Variants in VPS8 observed in about 807,000 individuals in gnomAD.
VPS8 encodes the protein VPS8 subunit of CORVET complex.
Under a neutral mutation model 216.4 loss-of-function variants are expected in VPS8, and 129 were observed. The observed-to-expected ratio is 0.60, with a 90% CI of 0.52 to 0.69. The LOEUF is 0.69. VPS8 is among the 30% of genes least tolerant of loss of function. The pLI is 0.00. For missense variants in VPS8, 1,531 were observed against 1,683.5 expected (o/e 0.91, Z 1.59); for synonymous variants, 571 against 565.4 (o/e 1.01, Z -0.14).
intron 42 of VPS8, among the ~76,000 whole-genome samples, chr3:184,985,786 C>G (rs1346650833): frequency 1.3e-5 from 2 of 152,170 alleles, no homozygotes; most frequent in African/African-American, 4.8e-5. Flanking sequence ...CAGGAACGGA[C>G]AGTTCCTGTT....
chr3:184,827,302 T>C (rs1482648280), intron 3 of VPS8, among the ~76,000 whole-genome samples: 1 of 152,248 alleles, frequency 6.6e-6, no homozygotes, highest in African/African-American at 2.4e-5. Flanking sequence ...TACATCAGTT[T>C]GATGTTGCTG....
chr3:184,991,763 A>G (rs1352602527), intron 42 of VPS8, among the ~76,000 whole-genome samples: 1 of 152,226 alleles, frequency 6.6e-6, no homozygotes, highest in Non-Finnish European at 1.5e-5. Context: ...ATTTTTATGC[A>G]AAGAAAATAA....
Position 184,999,871 on chromosome 3 carries a change from G to C in VPS8, c.4002+10G>C. Reference sequence around the variant, plus strand: ...GATAACCCCATCACAGGTAAGACTTGTTTTCGTGGCAAAATGGAAATGGTC... The same window carrying C: ...GATAACCCCATCACAGGTAAGACTTCTTTTCGTGGCAAAATGGAAATGGTC... On this transcript the variant is annotated intron_variant, in intron 45 of 47. Coordinates refer to ENST00000625842, the MANE Select transcript of VPS8 (RefSeq NM_001009921.3). The C allele has an allele frequency of 6.3e-7, 1 of 1,595,516 alleles. No individual in the cohort carries two copies. Among genetic ancestry groups the C allele is most frequent in the Non-Finnish European group, 8.5e-7 (1 of 1,172,392 alleles).
chr3:185,015,979 ATCTAT>A (rs1469239855), intron 45 of VPS8, among the ~76,000 whole-genome samples: 2 of 152,158 alleles, frequency 1.3e-5, no homozygotes, highest in Non-Finnish European at 2.9e-5. Context: ...TCTTCTCTGG[ATCTAT>A]TCTATTTATT....
intron 44 of VPS8, among the ~76,000 whole-genome samples, chr3:184,997,014 C>A (rs758339684): frequency 4.6e-5 from 7 of 152,142 alleles, no homozygotes; most frequent in Non-Finnish European, 8.8e-5. Flanking sequence ...TTGTCTTGCA[C>A]GTGTTAGGTT....
chr3:184,901,091 G>A, intron 25 of VPS8, 119 bp downstream of exon 25: 2 of 844,828 alleles, frequency 2.4e-6, no homozygotes, highest in Non-Finnish European at 3.8e-6. Flanking sequence ...GTACAGTCAT[G>A]TAACACCACC....
intron 30 of VPS8, 60 bp from the exon 31 acceptor site, chr3:184,926,534 T>G: frequency 6.7e-7 from 1 of 1,485,696 alleles, no homozygotes. Flanking sequence ...TTATTTTTAT[T>G]ATGAGAGTAT....
intron 34 of VPS8, among the ~76,000 whole-genome samples, chr3:184,932,730 CTTTAT>C (rs1740900895): frequency 6.6e-6 from 1 of 152,114 alleles, no homozygotes; most frequent in African/African-American, 2.4e-5. Flanking sequence ...TGAAATCATA[CTTTAT>C]TTTCTTATTT....
chr3:184,920,231 G>A, intron 29 of VPS8, 33 bp downstream of exon 29: 4 of 1,333,016 alleles, frequency 3.0e-6, no homozygotes, highest in Non-Finnish European at 4.0e-6. Context: ...TCTTTATATT[G>A]ATATTTATAT....
chr3:184,984,679 T>C (rs1750797085), intron 42 of VPS8, among the ~76,000 whole-genome samples: 1 of 152,174 alleles, frequency 6.6e-6, no homozygotes. Flanking sequence ...GCTTCACATA[T>C]CCATTTTAAA....
intron 3 of VPS8, among the ~76,000 whole-genome samples, chr3:184,830,204 G>GTTATT (rs749681405): frequency 6.2e-4 from 94 of 152,246 alleles, no homozygotes; most frequent in Non-Finnish European, 1.2e-3. Flanking sequence ...CCAGCACCAT[G>GTTATT]TACTAAAAAG....
intron 29 of VPS8, among the ~76,000 whole-genome samples, chr3:184,923,992 C>A (rs181657825): frequency 9.2e-5 from 14 of 152,258 alleles, no homozygotes; most frequent in African/African-American, 3.4e-4. Context: ...GATGTTATGT[C>A]TTTTCCTTCT....
chr3:184,871,625 G>C (rs1432650260), intron 21 of VPS8, among the ~76,000 whole-genome samples: 1 of 152,140 alleles, frequency 6.6e-6, no homozygotes, highest in African/African-American at 2.4e-5. Context: ...CTATGGGCAG[G>C]ATTTGGCTAA....
chr3:184,913,167 T>C (rs1219313310), intron 25 of VPS8, among the ~76,000 whole-genome samples: 1 of 152,242 alleles, frequency 6.6e-6, no homozygotes, highest in Non-Finnish European at 1.5e-5. Flanking sequence ...GAAGACAGTA[T>C]GGTTATGCCT....
chr3:184,981,064 A>C (rs936390323), intron 40 of VPS8, among the ~76,000 whole-genome samples: 1 of 152,104 alleles, frequency 6.6e-6, no homozygotes, highest in African/African-American at 2.4e-5. Context: ...TTTCCGGAAG[A>C]TTTCAGGGGG....
chr3:184,975,752 A>G (rs931875686), intron 40 of VPS8, among the ~76,000 whole-genome samples: 2 of 152,086 alleles, frequency 1.3e-5, no homozygotes, highest in African/African-American at 2.4e-5. Flanking sequence ...TGAGATTTGT[A>G]TCATGAAGAG....
In VPS8 at chr3:184,888,283, C is replaced by T. The variant is rs144386494; in HGVS notation, c.1781+2127C>T. On this transcript the variant is annotated intron_variant, in intron 22 of 47. Transcript: ENST00000625842. Reference sequence around the variant, plus strand: ...GATTACAGGCATGAGCCGCCGCACCCGGCCAAGAACATTACTTTATATTAC... The same window carrying T: ...GATTACAGGCATGAGCCGCCGCACCTGGCCAAGAACATTACTTTATATTAC... Among the ~76,000 whole-genome samples the T allele has an allele frequency of 4.6e-5, 7 of 152,302 alleles. No homozygotes were observed. In the East Asian group the frequency reaches 1.2e-3, roughly 25 times the overall value.
chr3:184,929,519 G>C, intron 32 of VPS8, 61 bp from the exon 33 acceptor site: 1 of 969,576 alleles, frequency 1.0e-6, no homozygotes, highest in East Asian at 2.7e-5. Context: ...CTGTGTGCCA[G>C]AGCAAATGTC....
intron 40 of VPS8, among the ~76,000 whole-genome samples, chr3:184,976,434 A>G (rs1749284309): frequency 6.9e-6 from 1 of 145,680 alleles, no homozygotes; most frequent in Non-Finnish European, 1.5e-5. Flanking sequence ...CCCAACTTTT[A>G]TTTTAGAATC....
Sources: allele counts gnomAD v4.1 joint callset (sites outside exome capture counted in the v4.1 genomes callset), GRCh38; gene constraint gnomAD v4.1.1; transcripts MANE v1.5; gene names NCBI Gene and HGNC (gene_info 2026-07-23, HGNC 2026-07-21).